CDH10: variants seen among roughly 807,000 people sequenced by gnomAD.
The protein encoded by CDH10 is cadherin 10, also known as cadherin-10.
Under a neutral mutation model 73.1 loss-of-function variants are expected in CDH10, and 30 were observed. That is an observed-to-expected ratio of 0.41 (90% CI 0.31 to 0.56). CDH10 has a LOEUF of 0.56. Ranked by LOEUF, CDH10 falls within the 20% of genes least tolerant of loss-of-function variation. The pLI is 0.27. For missense variants in CDH10, 815 were observed against 973.7 expected (o/e 0.84, Z 2.17); for synonymous variants, 345 against 348.2 (o/e 0.99, Z 0.10).
intron 2 of CDH10, among the ~76,000 whole-genome samples, chr5:24,558,901 T>C (rs1744860579): frequency 6.6e-6 from 1 of 151,784 alleles, no homozygotes; most frequent in Admixed American, 6.6e-5. Flanking sequence ...CATTTCAAGA[T>C]CCAGATTTTT....
intron 2 of CDH10, among the ~76,000 whole-genome samples, chr5:24,563,278 G>C (rs558532390): frequency 6.6e-6 from 1 of 152,050 alleles, no homozygotes. Flanking sequence ...TTTGGGTTAG[G>C]CATTTACAGC....
chr5:24,593,768 A>G (rs1296746779), intron 1 of CDH10, among the ~76,000 whole-genome samples, 155 bp from the exon 2 acceptor site: 4 of 151,976 alleles, frequency 2.6e-5, no homozygotes, highest in African/African-American at 7.2e-5. Flanking sequence ...GAGAAATATT[A>G]CTTGTCTAGC....
In CDH10 at chr5:24,493,079, C is replaced by T. The variant is rs914257269; in HGVS notation, c.1516-154G>A. Reference sequence around the variant, plus strand: ...GAGTTAATCCATCTTTTTAGTATTACTTTGATTTTAATAATCTCTCCCTCT... The same window carrying T: ...GAGTTAATCCATCTTTTTAGTATTATTTTGATTTTAATAATCTCTCCCTCT... On this transcript the variant is annotated intron_variant, in intron 9 of 11. Transcript: ENST00000264463. 6.0e-6 allele frequency: 3 copies of T among 502,530 alleles called. No homozygotes were observed. In the East Asian group the frequency reaches 9.5e-5, roughly 16 times the overall value. The allele number at this position is 502,530 out of a possible 1,614,324, so 31.1% of individuals were successfully genotyped here.
intron 6 of CDH10, among the ~76,000 whole-genome samples, 181 bp downstream of exon 6, chr5:24,511,146 T>C (rs1742887772): frequency 6.6e-6 from 1 of 152,198 alleles, no homozygotes. Context: ...AACCAAAACA[T>C]GTGGTCAAAA....
intron 2 of CDH10, among the ~76,000 whole-genome samples, chr5:24,562,501 G>C (rs1366160972): frequency 6.6e-6 from 1 of 151,978 alleles, no homozygotes; most frequent in African/African-American, 2.4e-5. Context: ...TTTAGAGGGA[G>C]AGCATAAATT....
intron 1 of CDH10, among the ~76,000 whole-genome samples, chr5:24,597,438 GC>G (rs1468058488): frequency 6.6e-6 from 1 of 152,050 alleles, no homozygotes. Flanking sequence ...CAGATACGTA[GC>G]CTACTACAAT....
At chr5:24,552,616 AT>A in intron 2 of CDH10, among the ~76,000 whole-genome samples, 1 of 152,138 alleles carries the variant, frequency 6.6e-6, no homozygotes, top group East Asian at 1.9e-4. Context: ...AATATAGGCA[AT>A]AATAGGTTGA....
At chr5:24,558,926 G>A (rs781741174) in intron 2 of CDH10, among the ~76,000 whole-genome samples, 1 of 151,700 alleles carries the variant, frequency 6.6e-6, no homozygotes, top group East Asian at 1.9e-4. Flanking sequence ...CATTAAATTA[G>A]TTCTATCTCA....
intron 3 of CDH10, among the ~76,000 whole-genome samples, 164 bp downstream of exon 3, chr5:24,537,216 G>C (rs1479033426): frequency 6.6e-6 from 1 of 151,258 alleles, no homozygotes; most frequent in East Asian, 1.9e-4. Context: ...AAATTGCATT[G>C]ATCTTTTTTT....
At chr5:24,495,079 G>T (rs1449925087) in intron 9 of CDH10, among the ~76,000 whole-genome samples, 1 of 151,832 alleles carries the variant, frequency 6.6e-6, no homozygotes, top group African/African-American at 2.4e-5. Context: ...TTTTGTTTTG[G>T]TAAATGTGCC....
intron 5 of CDH10, among the ~76,000 whole-genome samples, chr5:24,526,356 G>A (rs1743530186): frequency 6.6e-6 from 1 of 151,902 alleles, no homozygotes; most frequent in Admixed American, 6.6e-5. Flanking sequence ...ATCACAGACG[G>A]AAAATGTGTA....
chr5:24,562,864 C>T (rs1166928544), intron 2 of CDH10, among the ~76,000 whole-genome samples: 1 of 152,040 alleles, frequency 6.6e-6, no homozygotes, highest in Non-Finnish European at 1.5e-5. Context: ...AAAGGTAAAA[C>T]TAATGTATAA....
chr5:24,633,061 C>T (rs988526897), intron 1 of CDH10, among the ~76,000 whole-genome samples: 1 of 151,564 alleles, frequency 6.6e-6, no homozygotes, highest in African/African-American at 2.4e-5. Context: ...GAGCTATATA[C>T]AAAGACAATT....
chr5:24,573,989 A>G lies in CDH10; in HGVS notation c.231+19271T>C, dbSNP rs559914407. Among the ~76,000 whole-genome samples the G allele has an allele frequency of 1.6e-3, 250 of 151,568 alleles. 1 individual carries two copies. Among genetic ancestry groups the G allele is most frequent in the African/African-American group, 5.7e-3 (237 of 41,334 alleles). ...AAGCTCTGCCTCCCGGGTTCACGCC[A>G]TTCTCCTGCCTCAACCTCCCGAGTA... is the stretch of plus-strand genomic sequence containing the variant. On this transcript the variant is annotated intron_variant, in intron 2 of 11. Transcript: ENST00000264463.
intron 2 of CDH10, among the ~76,000 whole-genome samples, chr5:24,583,795 C>T (rs778304905): frequency 6.6e-6 from 1 of 152,158 alleles, no homozygotes; most frequent in African/African-American, 2.4e-5. Context: ...CAGGCATGTG[C>T]CACCAAGCCC....
In CDH10 at chr5:24,541,954, G is replaced by A. The variant is rs534488361; in HGVS notation, c.232-4280C>T. Among the ~76,000 whole-genome samples, 35 of 152,038 alleles carry A rather than the reference G, an allele frequency of 2.3e-4. No individual in the cohort carries two copies. In the South Asian group the frequency reaches 6.8e-3, roughly 30 times the overall value. ...AACTTTTTTATTCAGACATTTAATT[G>A]TAATACATTATTACATTTGTTTATA... On this transcript the variant is annotated intron_variant, in intron 2 of 11. Coordinates refer to ENST00000264463, the MANE Select transcript of CDH10 (RefSeq NM_006727.5).
chr5:24,630,484 C>T (rs1006955513), intron 1 of CDH10, among the ~76,000 whole-genome samples: 2 of 148,952 alleles, frequency 1.3e-5, no homozygotes, highest in African/African-American at 2.5e-5. Flanking sequence ...ACCCAGGAGG[C>T]GGAAGCTGCA....
At chr5:24,561,008 G>A (rs1744941397) in intron 2 of CDH10, among the ~76,000 whole-genome samples, 1 of 151,982 alleles carries the variant, frequency 6.6e-6, no homozygotes, top group Admixed American at 6.6e-5. Flanking sequence ...GTTTCCTCTT[G>A]TTAAAATAGG....
intron 2 of CDH10, among the ~76,000 whole-genome samples, chr5:24,559,228 T>C (rs940512424): frequency 6.6e-6 from 1 of 151,982 alleles, no homozygotes; most frequent in Non-Finnish European, 1.5e-5. Context: ...TTTTACTCCT[T>C]GTGCAAATCA....
Sources: gnomAD v4.1 joint callset for allele counts (sites outside exome capture counted in the v4.1 genomes callset) on GRCh38, gnomAD v4.1.1 for gene constraint, MANE v1.5 for transcripts, NCBI Gene and HGNC (gene_info 2026-07-23, HGNC 2026-07-21) for gene names.